CREB3L1: variants seen among roughly 807,000 people sequenced by gnomAD.
CREB3L1 encodes the protein cyclic AMP-responsive element-binding protein 3-like protein 1.
A neutral mutation model predicts 54.5 loss-of-function variants in CREB3L1; 33 were observed. That is an observed-to-expected ratio of 0.61 (90% CI 0.46 to 0.81). The LOEUF (loss-of-function observed/expected upper bound fraction) is 0.81. Ranked by LOEUF, CREB3L1 falls within the 30% of genes least tolerant of loss-of-function variation. The probability of loss-of-function intolerance (pLI) is 0.00; values close to 1 mark genes in which losing one functional copy is unlikely to be tolerated. For synonymous variants in CREB3L1, 284 were observed against 286.4 expected (o/e 0.99, Z 0.08); for missense variants, 656 against 673.3 (o/e 0.97, Z 0.29).
At chr11:46,304,896 T>G (rs185595398) in intron 2 of CREB3L1, among the ~76,000 whole-genome samples, 1 of 152,278 alleles carries the variant, frequency 6.6e-6, no homozygotes, top group East Asian at 1.9e-4. Context: ...GTGGGCCCTT[T>G]GCAGGGGGCA....
intron 2 of CREB3L1, 108 bp from the exon 3 acceptor site, chr11:46,307,708 G>T: frequency 1.1e-6 from 1 of 910,840 alleles, no homozygotes. Flanking sequence ...CTGCCCCCTG[G>T]TCTACCCTAA....
chr11:46,319,181 A>G (rs1939610871), intron 10 of CREB3L1, among the ~76,000 whole-genome samples: 1 of 152,232 alleles, frequency 6.6e-6, no homozygotes. Flanking sequence ...GTGGAGAGGA[A>G]GACACATCCC....
chr11:46,314,959 C>T (rs1278105995), intron 8 of CREB3L1, among the ~76,000 whole-genome samples: 1 of 152,154 alleles, frequency 6.6e-6, no homozygotes, highest in Non-Finnish European at 1.5e-5. Flanking sequence ...CCTCCTGCCT[C>T]AGCCTCCCAC....
intron 8 of CREB3L1, among the ~76,000 whole-genome samples, chr11:46,313,922 C>G (rs889448727): frequency 8.5e-5 from 13 of 152,122 alleles, no homozygotes; most frequent in Admixed American, 8.5e-4. Context: ...GTTTCTTCGT[C>G]TAAATGGGGA....
chr11:46,320,378 C>T lies in CREB3L1; in HGVS notation c.1373C>T (p.Pro458Leu), dbSNP rs1480523423. Residue 458 changes from proline to leucine, a missense_variant, in exon 11 of 12, where the codon CCG becomes CTG. Pro to Leu is a moderately conservative substitution (Grantham distance 98). Transcript: ENST00000621158. Reference protein sequence around the residue: ...PDGWEINPGGPAEQRPRDHLQ... With the variant: ...PDGWEINPGGLAEQRPRDHLQ... ...GGCTGGGAAATCAACCCCGGGGGGC[C>T]GGCAGAGCAGCGGCCCCGGGACCAC... 2.5e-6 allele frequency: 4 copies of T among 1,610,640 alleles called. No homozygotes were observed. Among genetic ancestry groups the T allele is most frequent in the South Asian group, 1.1e-5 (1 of 90,546 alleles).
In CREB3L1 at chr11:46,312,664, A is replaced by G; in HGVS notation, c.956A>G (p.Glu319Gly). ...RKKKEYVECL[E>G]KKVETFTSEN... is the part of the protein sequence containing the mutation. ...AAGAAGGAGTATGTGGAGTGTCTAG[A>G]AAAGAAGTAAGGGGCTTGGGAGGGG... is the stretch of plus-strand genomic sequence containing the variant. The change falls in exon 7 of 12, where the codon GAA becomes GGA. Residue 319 changes from glutamate (E) to glycine (G), a missense_variant. Glu to Gly is a moderately conservative substitution (Grantham distance 98, BLOSUM62 -2). This residue lies in a region of CREB3L1 where 77 missense variants were observed against 122.0 expected (regional missense o/e 0.63). Coordinates refer to ENST00000621158, the MANE Select transcript of CREB3L1 (RefSeq NM_052854.4). The G allele has an allele frequency of 6.2e-7, 1 of 1,609,522 alleles. No homozygotes were observed. Among genetic ancestry groups the G allele is most frequent in the Non-Finnish European group, 8.5e-7 (1 of 1,177,820 alleles).
chr11:46,287,698 A>T (rs1462330446), intron 1 of CREB3L1, among the ~76,000 whole-genome samples: 1 of 152,082 alleles, frequency 6.6e-6, no homozygotes, highest in African/African-American at 2.4e-5. Context: ...ACATGATGGG[A>T]CAGGTGCGGT....
At chr11:46,299,456 C>G (rs1030597609) in intron 1 of CREB3L1, among the ~76,000 whole-genome samples, 10 of 152,168 alleles carry the variant, frequency 6.6e-5, no homozygotes, top group Admixed American at 2.0e-4. Context: ...AAAGATCATA[C>G]AAAATTCACT....
chr11:46,315,166 C>G (rs1480484732), intron 8 of CREB3L1: 3 of 319,526 alleles, frequency 9.4e-6, no homozygotes, highest in African/African-American at 6.5e-5. Flanking sequence ...TTCCTTCTCC[C>G]CCAGCTTCTC....
intron 10 of CREB3L1, 87 bp from the exon 11 acceptor site, chr11:46,320,177 C>A: frequency 1.4e-6 from 2 of 1,394,244 alleles, no homozygotes; most frequent in East Asian, 2.4e-5. Context: ...AGATCCAGGG[C>A]CTGCGTCCTT....
At chr11:46,300,401 G>A (rs1939279156) in intron 2 of CREB3L1, among the ~76,000 whole-genome samples, 1 of 152,222 alleles carries the variant, frequency 6.6e-6, no homozygotes, top group African/African-American at 2.4e-5. Context: ...TACAAAGTGT[G>A]GTTCCCAGAC....
At position 46,286,717 on chromosome 11, in the gene CREB3L1, G is replaced by A. The variant is rs569881113; in HGVS notation, c.102+8504G>A. Reference sequence around the variant, plus strand: ...GGAGAACTGCTTGAACCCAGGAGGCGGAGGTTGCAGTGAGCCGAGATTGAA... The same window carrying A: ...GGAGAACTGCTTGAACCCAGGAGGCAGAGGTTGCAGTGAGCCGAGATTGAA... On this transcript the variant is annotated intron_variant, in intron 1 of 11. Coordinates refer to ENST00000621158, the MANE Select transcript of CREB3L1 (RefSeq NM_052854.4). Among the ~76,000 whole-genome samples the A allele has an allele frequency of 7.9e-5, 12 of 152,170 alleles. No individual in the cohort carries two copies. The East Asian group carries it at 9.7e-4, about 12-fold the overall frequency.
intron 2 of CREB3L1, among the ~76,000 whole-genome samples, chr11:46,302,642 G>A (rs1231367326): frequency 6.6e-6 from 1 of 152,226 alleles, no homozygotes; most frequent in African/African-American, 2.4e-5. Context: ...TGACTGACAG[G>A]TGAGGTTGGA....
intron 1 of CREB3L1, among the ~76,000 whole-genome samples, chr11:46,287,920 A>T (rs1379130571): frequency 1.3e-5 from 2 of 151,682 alleles, no homozygotes; most frequent in Non-Finnish European, 2.9e-5. Context: ...AGGTTGCAGT[A>T]AGCCGAGATC....
chr11:46,307,752 AG>A (rs1351745626), intron 2 of CREB3L1, 63 bp from the exon 3 acceptor site: 1 of 1,388,772 alleles, frequency 7.2e-7, no homozygotes, highest in African/African-American at 1.5e-5. Flanking sequence ...GGTAGCTCCC[AG>A]GGGGCAGGCA....
At chr11:46,309,939 G>T (rs1302116813) in intron 3 of CREB3L1, 50 bp from the exon 4 acceptor site, 1 of 1,459,970 alleles carries the variant, frequency 6.8e-7, no homozygotes, top group Non-Finnish European at 9.4e-7. Context: ...ATGGCATGGT[G>T]GGGACAGACC....
At chr11:46,283,381 C>T (rs1939007056) in intron 1 of CREB3L1, among the ~76,000 whole-genome samples, 1 of 152,122 alleles carries the variant, frequency 6.6e-6, no homozygotes, top group African/African-American at 2.4e-5. Context: ...ACCACAGGAG[C>T]ATGAGGCAGT....
chr11:46,291,500 C>T (rs1200750690), intron 1 of CREB3L1, among the ~76,000 whole-genome samples: 4 of 152,178 alleles, frequency 2.6e-5, no homozygotes, highest in South Asian at 2.1e-4. Flanking sequence ...GAACCAGGTC[C>T]GTCTGACTCC....
chr11:46,314,416 T>TC (rs1389639866), intron 8 of CREB3L1, among the ~76,000 whole-genome samples: 4 of 152,154 alleles, frequency 2.6e-5, no homozygotes, highest in African/African-American at 7.2e-5. Context: ...AGATAGGGTC[T>TC]CACTCTGTTG....
Sources: gnomAD v4.1 joint callset for allele counts (sites outside exome capture counted in the v4.1 genomes callset) on GRCh38, gnomAD v4.1.1 for gene constraint, gnomAD v4.1.1 regional missense constraint, MANE v1.5 for transcripts, NCBI Gene and HGNC (gene_info 2026-07-23, HGNC 2026-07-21) for gene names.